Variants in SMC6 observed in about 807,000 individuals in gnomAD.
SMC6 encodes the protein structural maintenance of chromosomes protein 6.
Under a neutral mutation model 142.2 loss-of-function variants are expected in SMC6, and 79 were observed. The ratio of observed to expected loss-of-function variants is 0.56; its 90% CI spans 0.46 to 0.67. SMC6 has a LOEUF of 0.67. Among genes scored for constraint, SMC6 ranks in the 30% least tolerant of loss-of-function variants. The pLI, the probability that SMC6 is intolerant of heterozygous loss-of-function variation, is 0.00. For synonymous variants in SMC6, 411 were observed against 412.4 expected, an observed-to-expected ratio of 1.00 and a Z score of 0.04; for missense variants, 1,072 against 1,284.0, an observed-to-expected ratio of 0.83 and a Z score of 2.52.
Position 17,753,083 on chromosome 2 carries a change from G to A in SMC6, c.-92-19C>T, listed in dbSNP as rs1671143471. 1 of 919,532 alleles carries A rather than the reference G, an allele frequency of 1.1e-6. No homozygotes were observed. The highest frequency in any genetic ancestry group is 1.3e-6 in the Non-Finnish European group (1 of 770,142). The allele number at this position is 919,532 out of a possible 1,614,324, so 57.0% of individuals were successfully genotyped here. On this transcript the variant is annotated intron_variant, in intron 1 of 27. Coordinates refer to ENST00000448223, the MANE Select transcript of SMC6 (RefSeq NM_001142286.2). ...TTCATTTCTGTAAGAAATGAGGGCA[G>A]AGAAATGCCATCAGTAAACCTTTGA...
At chr2:17,684,094 G>A (rs916210409) in intron 23 of SMC6, among the ~76,000 whole-genome samples, 5 of 152,256 alleles carry the variant, frequency 3.3e-5, no homozygotes, top group Admixed American at 6.5e-5. Flanking sequence ...AAGGGAAGGG[G>A]TCACACTGGA....
intron 12 of SMC6, among the ~76,000 whole-genome samples, chr2:17,717,487 T>C (rs938177724): frequency 1.3e-5 from 2 of 152,012 alleles, no homozygotes; most frequent in Non-Finnish European, 2.9e-5. Context: ...CTGGCTAACA[T>C]GGTGAAACCC....
At chr2:17,745,494 T>C (rs1670701188) in intron 3 of SMC6, among the ~76,000 whole-genome samples, 1 of 152,196 alleles carries the variant, frequency 6.6e-6, no homozygotes, top group Admixed American at 6.5e-5. Flanking sequence ...TTGCTAACTG[T>C]ATTTCCTTAC....
Position 17,716,085 on chromosome 2 carries a change from C to A in SMC6, c.1525+1G>T. On this transcript the variant is annotated splice_donor_variant, in intron 15 of 27. Transcript: ENST00000448223. LOFTEE classifies it high-confidence loss of function. ...TAACCTCGCTAAATTAAGACAAATA[C>A]CTAAAGGGCCTACAGGTTTATAGGT... 1 of 1,519,182 alleles carries A rather than the reference C, an allele frequency of 6.6e-7. No homozygotes were observed. Among genetic ancestry groups the A allele is most frequent in the African/African-American group, 1.4e-5 (1 of 69,648 alleles). 94.1% of individuals were successfully genotyped at this position (1,519,182 alleles called of 1,614,324 possible).
intron 8 of SMC6, among the ~76,000 whole-genome samples, chr2:17,725,654 C>G (rs1669579604): frequency 6.6e-6 from 1 of 152,098 alleles, no homozygotes; most frequent in Non-Finnish European, 1.5e-5. Flanking sequence ...ATTCTTTAAG[C>G]AAAAACAGCT....
At position 17,745,918 on chromosome 2, in the gene SMC6, G is replaced by A; in HGVS notation, c.29C>T (p.Ser10Phe). The change falls in exon 3 of 28, where the codon TCC becomes TTC. Residue 10 changes from serine to phenylalanine, a missense_variant. This residue lies in a region of SMC6 where 994 missense variants were observed against 1,153.2 expected (regional missense o/e 0.86). Transcript: ENST00000448223. MAKRKEENF[S>F]SPKNAKRPRQ... ...TGGCCTTTTGGCATTTTTAGGAGAG[G>A]AAAAATTTTCTTCCTTTCTTTTGGC... The A allele has an allele frequency of 6.2e-7, 1 of 1,609,534 alleles. No homozygotes were observed. Among genetic ancestry groups the A allele is most frequent in the Non-Finnish European group, 8.5e-7 (1 of 1,178,138 alleles).
chr2:17,673,892 G>C (rs1225448035), intron 25 of SMC6, among the ~76,000 whole-genome samples: 2 of 152,042 alleles, frequency 1.3e-5, no homozygotes, highest in Admixed American at 1.3e-4. Context: ...TTTACCAAAA[G>C]GATATCCAAC....
chr2:17,727,929 T>A (rs1669712496), intron 7 of SMC6, among the ~76,000 whole-genome samples: 1 of 152,216 alleles, frequency 6.6e-6, no homozygotes, highest in Non-Finnish European at 1.5e-5. Flanking sequence ...CCAGACTCCA[T>A]CTGCCATATA....
At position 17,704,750 on chromosome 2, in the gene SMC6, C is replaced by T. The variant is rs145660109; in HGVS notation, c.2007-1458G>A. On this transcript the variant is annotated intron_variant, in intron 18 of 27. Coordinates refer to ENST00000448223, the MANE Select transcript of SMC6 (RefSeq NM_001142286.2). ...ACTGGTATGTAAAACAACTGTGCTA[C>T]CTTGCTAGAATTTTTAAATTACAAA... Among the ~76,000 whole-genome samples the T allele has an allele frequency of 5.3e-5, 8 of 152,076 alleles. No homozygotes were observed. In the East Asian group the frequency reaches 1.5e-3, roughly 29 times the overall value.
chr2:17,725,753 T>C (rs141087715), intron 8 of SMC6, among the ~76,000 whole-genome samples: 1 of 152,278 alleles, frequency 6.6e-6, no homozygotes, highest in Non-Finnish European at 1.5e-5. Context: ...ACAGAATATT[T>C]AGCAGTATAG....
intron 2 of SMC6, among the ~76,000 whole-genome samples, chr2:17,750,761 A>G (rs1279074511): frequency 1.3e-5 from 2 of 152,064 alleles, no homozygotes; most frequent in Non-Finnish European, 2.9e-5. Context: ...AGTACTTTGG[A>G]AGGCCAAGGC....
chr2:17,732,535 C>CA (rs1213163702), intron 5 of SMC6, among the ~76,000 whole-genome samples: 2 of 151,750 alleles, frequency 1.3e-5, no homozygotes, highest in East Asian at 3.9e-4. Context: ...CCCATCTCTA[C>CA]AAAAAATACA....
chr2:17,747,192 C>G (rs564108570), intron 2 of SMC6, among the ~76,000 whole-genome samples: 37 of 152,260 alleles, frequency 2.4e-4, no homozygotes, highest in Admixed American at 8.5e-4. Flanking sequence ...TCCTAGTTGG[C>G]TAGTATCAAA....
intron 5 of SMC6, among the ~76,000 whole-genome samples, chr2:17,734,316 C>T (rs556994845): frequency 4.3e-4 from 65 of 152,242 alleles, no homozygotes; most frequent in African/African-American, 1.6e-3. Flanking sequence ...CTAGAGCTAC[C>T]TTGAATAAAT....
chr2:17,689,674 G>A (rs1450098409), intron 23 of SMC6, among the ~76,000 whole-genome samples: 1 of 152,116 alleles, frequency 6.6e-6, no homozygotes, highest in Non-Finnish European at 1.5e-5. Flanking sequence ...AGGGCCCCCT[G>A]GGCAGATACC....
intron 16 of SMC6, among the ~76,000 whole-genome samples, chr2:17,709,133 G>C (rs1180448457): frequency 6.6e-6 from 1 of 151,970 alleles, no homozygotes; most frequent in Non-Finnish European, 1.5e-5. Context: ...AACTGGGCTA[G>C]GATTTAACCC....
chr2:17,693,607 G>C (rs1667839929), intron 23 of SMC6, among the ~76,000 whole-genome samples: 1 of 151,994 alleles, frequency 6.6e-6, no homozygotes, highest in Non-Finnish European at 1.5e-5. Context: ...GGTAATGGGT[G>C]CAGCACACCA....
At chr2:17,697,381 A>C (rs986788196) in intron 21 of SMC6, among the ~76,000 whole-genome samples, 1 of 152,098 alleles carries the variant, frequency 6.6e-6, no homozygotes, top group African/African-American at 2.4e-5. Flanking sequence ...ATACAGGTCA[A>C]TACAAAATTC....
intron 15 of SMC6, among the ~76,000 whole-genome samples, chr2:17,715,397 A>G (rs922002424): frequency 1.3e-5 from 2 of 151,962 alleles, no homozygotes; most frequent in African/African-American, 4.8e-5. Context: ...TAGCCTTCCA[A>G]TGGGGTTCTG....
Sources: gnomAD v4.1 joint callset for allele counts (sites outside exome capture counted in the v4.1 genomes callset) on GRCh38, gnomAD v4.1.1 for gene constraint, gnomAD v4.1.1 regional missense constraint, MANE v1.5 for transcripts, NCBI Gene and HGNC (gene_info 2026-07-23, HGNC 2026-07-21) for gene names.